Variants in POFUT3 observed in about 807,000 individuals in gnomAD.
The protein encoded by POFUT3 is protein O-fucosyltransferase 3.
At chr8:33,416,875 T>C in the POFUT3 span, among the ~76,000 whole-genome samples, 71 of 150,708 alleles carry the variant, frequency 4.7e-4, no homozygotes, top group African/African-American at 1.7e-3. Context: ...AAAAAAATAG[T>C]TCTGACAGAA....
chr8:33,327,510 C>A, the POFUT3 span, among the ~76,000 whole-genome samples: 1 of 152,042 alleles, frequency 6.6e-6, no homozygotes, highest in South Asian at 2.1e-4. Flanking sequence ...CCAAGAAAGT[C>A]GAAGTCTCAG....
the POFUT3 span, among the ~76,000 whole-genome samples, chr8:33,417,315 T>C: frequency 2.0e-5 from 3 of 152,362 alleles, no homozygotes; most frequent in South Asian, 6.2e-4. Flanking sequence ...TGTATCATTA[T>C]TTCATTATAT....
At chr8:33,461,452 T>C in the POFUT3 span, 2 of 1,613,624 alleles carry the variant, frequency 1.2e-6, no homozygotes, top group East Asian at 2.2e-5. Context: ...ATCCGCACCA[T>C]GCTGCCCTGC....
the POFUT3 span, among the ~76,000 whole-genome samples, chr8:33,381,535 G>A: frequency 6.6e-6 from 1 of 152,182 alleles, no homozygotes. Context: ...GACATGTAAG[G>A]TAGTTCATGC....
At chr8:33,462,173 A>G in the POFUT3 span, among the ~76,000 whole-genome samples, 538 of 3,292 alleles carry the variant, frequency 0.16, no homozygotes, top group Non-Finnish European at 0.21. Flanking sequence ...GGAAGGGACC[A>G]GAGTGGTGAA....
At chr8:33,374,818 C>A in the POFUT3 span, among the ~76,000 whole-genome samples, 8 of 151,968 alleles carry the variant, frequency 5.3e-5, no homozygotes, top group African/African-American at 1.4e-4. Context: ...TTACAGTCAG[C>A]TAACCTATTG....
At chr8:33,369,784 T>C in the POFUT3 span, among the ~76,000 whole-genome samples, 1 of 152,182 alleles carries the variant, frequency 6.6e-6, no homozygotes, top group Non-Finnish European at 1.5e-5. Flanking sequence ...GAGTAATGCA[T>C]AGAACACTAT....
At chr8:33,347,090 A>G in the POFUT3 span, among the ~76,000 whole-genome samples, 22 of 152,286 alleles carry the variant, frequency 1.4e-4, no homozygotes, top group African/African-American at 5.1e-4. Flanking sequence ...AAATATATCC[A>G]GGTGCTCCTT....
the POFUT3 span, among the ~76,000 whole-genome samples, chr8:33,428,864 C>A: frequency 6.6e-6 from 1 of 152,188 alleles, no homozygotes; most frequent in Non-Finnish European, 1.5e-5. Context: ...TCCCAGCCCC[C>A]AGAACCATGA....
At chr8:33,394,141 C>G in the POFUT3 span, 1 of 189,768 alleles carries the variant, frequency 5.3e-6, no homozygotes, top group Admixed American at 6.1e-5. Context: ...ACCGTGATCA[C>G]GCCACTGCAC....
chr8:33,441,963 T>C, the POFUT3 span, among the ~76,000 whole-genome samples: 1 of 152,078 alleles, frequency 6.6e-6, no homozygotes, highest in Admixed American at 6.6e-5. Flanking sequence ...TTTTTTTTCT[T>C]TTTTGAGACG....
At chr8:33,350,069 G>A in the POFUT3 span, among the ~76,000 whole-genome samples, 1 of 151,936 alleles carries the variant, frequency 6.6e-6, no homozygotes, top group Non-Finnish European at 1.5e-5. Flanking sequence ...TTTTTCATAT[G>A]TTTGTTGGCC....
the POFUT3 span, among the ~76,000 whole-genome samples, chr8:33,367,602 A>C: frequency 6.6e-6 from 1 of 152,272 alleles, no homozygotes; most frequent in African/African-American, 2.4e-5. Flanking sequence ...GGTCTCCCCA[A>C]ACAAGCTGGT....
chr8:33,323,582 A>G, the POFUT3 span, among the ~76,000 whole-genome samples: 1 of 152,278 alleles, frequency 6.6e-6, no homozygotes, highest in South Asian at 2.1e-4. Context: ...GGAGTAAGTA[A>G]TGAGCTTGTC....
At chr8:33,315,944 C>T in the POFUT3 span, among the ~76,000 whole-genome samples, 1 of 152,002 alleles carries the variant, frequency 6.6e-6, no homozygotes, top group Non-Finnish European at 1.5e-5. Context: ...GAGATGAGTG[C>T]CTAGGATTTA....
chr8:33,405,461 A>G, the POFUT3 span, among the ~76,000 whole-genome samples: 1 of 152,074 alleles, frequency 6.6e-6, no homozygotes, highest in Non-Finnish European at 1.5e-5. Context: ...GAAGCTTAGC[A>G]ACACTTTGGC....
chr8:33,467,888 G>A, the POFUT3 span, among the ~76,000 whole-genome samples: 13 of 152,214 alleles, frequency 8.5e-5, no homozygotes, highest in East Asian at 3.9e-4. Context: ...TCTTTCCTGC[G>A]TGTCTGACTG....
the POFUT3 span, among the ~76,000 whole-genome samples, chr8:33,319,205 T>A: frequency 5.1e-3 from 190 of 37,238 alleles, no homozygotes; most frequent in Non-Finnish European, 7.2e-3. Context: ...ATATTTTACA[T>A]AATATATAAA....
chr8:33,316,893 G>A, the POFUT3 span, among the ~76,000 whole-genome samples: 1 of 152,032 alleles, frequency 6.6e-6, no homozygotes, highest in African/African-American at 2.4e-5. Context: ...CCTGTCTTGA[G>A]GAATTCACTG....
Sources: allele counts gnomAD v4.1 joint callset (sites outside exome capture counted in the v4.1 genomes callset), GRCh38; gene constraint gnomAD v4.1.1; transcripts MANE v1.5; gene names NCBI Gene and HGNC (gene_info 2026-07-23, HGNC 2026-07-21).